Variants in NRP1 observed in about 807,000 individuals in gnomAD.
The protein encoded by NRP1 is neuropilin 1, also known as neuropilin-1.
A neutral mutation model predicts 106.7 loss-of-function variants in NRP1; 35 were observed. That is an observed-to-expected ratio of 0.33 (90% CI 0.25 to 0.43). NRP1 has a LOEUF of 0.43. Ranked by LOEUF, NRP1 falls within the 20% of genes least tolerant of loss-of-function variation. The pLI is 1.00. For missense variants in NRP1, 1,024 were observed against 1,170.4 expected, an observed-to-expected ratio of 0.87 and a Z score of 1.83; for synonymous variants, 437 against 417.9, an observed-to-expected ratio of 1.05 and a Z score of -0.56.
At chr10:33,204,019 G>A (rs2132715656) in intron 10 of NRP1, among the ~76,000 whole-genome samples, 1 of 152,182 alleles carries the variant, frequency 6.6e-6, no homozygotes, top group African/African-American at 2.4e-5. Context: ...TGCTTTTGAA[G>A]TCCTTTAAAT....
Position 33,208,188 on chromosome 10 carries a change from A to T in NRP1, c.1615-472T>A, listed in dbSNP as rs1437674445. Among the ~76,000 whole-genome samples the T allele has an allele frequency of 2.0e-5, 3 of 152,050 alleles. No homozygotes were observed. The East Asian group carries it at 5.8e-4, about 29-fold the overall frequency. ...TGATCTGCTTGCCTCTGCCTCCCAAAGTGCTGGGATTACAGGCATGCGCCA... is the reference window on the plus strand; with the variant it reads ...TGATCTGCTTGCCTCTGCCTCCCAATGTGCTGGGATTACAGGCATGCGCCA... On this transcript the variant is annotated intron_variant, in intron 9 of 16. Transcript: ENST00000374867.
At chr10:33,195,187 G>A (rs1836690275) in intron 12 of NRP1, among the ~76,000 whole-genome samples, 1 of 152,176 alleles carries the variant, frequency 6.6e-6, no homozygotes, top group African/African-American at 2.4e-5. Context: ...CTTCTATAGA[G>A]CAGTTTAACT....
At chr10:33,207,754 A>C (rs1837914940) in intron 9 of NRP1, 38 bp from the exon 10 acceptor site, 8 of 1,551,486 alleles carry the variant, frequency 5.2e-6, no homozygotes, top group African/African-American at 1.7e-5. Context: ...TAAGGAAAAA[A>C]AAAAACAGAG....
At chr10:33,303,608 A>G (rs2132719491) in intron 2 of NRP1, among the ~76,000 whole-genome samples, 1 of 152,332 alleles carries the variant, frequency 6.6e-6, no homozygotes, top group African/African-American at 2.4e-5. Flanking sequence ...ATGAAGCCAG[A>G]ACTTGCAGAT....
At chr10:33,238,940 C>T (rs571372613) in intron 6 of NRP1, among the ~76,000 whole-genome samples, 26 of 139,218 alleles carry the variant, frequency 1.9e-4, no homozygotes, top group African/African-American at 1.8e-4. Context: ...TGTATGTGTG[C>T]GCATAGTTTT....
In NRP1 at chr10:33,202,967, G is replaced by T. The variant is rs147055093; in HGVS notation, c.1788C>A (p.Asn596Lys). 4.3e-6 allele frequency: 7 copies of T among 1,614,082 alleles called. No homozygotes were observed. The highest frequency in any genetic ancestry group is 5.9e-6 in the Non-Finnish European group (7 of 1,179,970). Residue 596 changes from asparagine (N) to lysine (K), a missense_variant, in exon 11 of 17, where the codon AAC (asparagine) becomes AAA (lysine). Around this residue, in one of 5 missense-constraint regions of NRP1, gnomAD observed 562 missense variants for 620.3 expected, o/e 0.91. Transcript: ENST00000374867. ...EAPTAGPTTP[N>K]GNLVDECDDD... Reference sequence around the variant, plus strand: ...CATCACATTCATCCACCAAGTTCCCGTTGGGAGTGGTCGGTCCAGCTGTAG... The same window carrying T: ...CATCACATTCATCCACCAAGTTCCCTTTGGGAGTGGTCGGTCCAGCTGTAG...
chr10:33,292,011 C>T (rs1845030862), intron 2 of NRP1, among the ~76,000 whole-genome samples: 1 of 152,150 alleles, frequency 6.6e-6, no homozygotes, highest in Admixed American at 6.5e-5. Flanking sequence ...TCAGGTGATC[C>T]TCCCATCTTA....
At chr10:33,185,567 A>G (rs1301702588) in intron 15 of NRP1, 61 bp downstream of exon 15, 2 of 1,267,188 alleles carry the variant, frequency 1.6e-6, no homozygotes, top group South Asian at 1.2e-5. Context: ...AGACCATCAT[A>G]TTGGCAAGAG....
intron 12 of NRP1, among the ~76,000 whole-genome samples, chr10:33,194,138 C>T (rs560166366): frequency 3.3e-5 from 5 of 152,240 alleles, no homozygotes; most frequent in South Asian, 4.2e-4. Flanking sequence ...CACTCTTTTC[C>T]GCAGCAAGAT....
intron 6 of NRP1, among the ~76,000 whole-genome samples, chr10:33,231,798 C>T (rs1840157387): frequency 6.6e-6 from 1 of 152,006 alleles, no homozygotes; most frequent in African/African-American, 2.4e-5. Context: ...CTCAAGATGG[C>T]TATGGGGGAT....
At position 33,186,316 on chromosome 10, in the gene NRP1, T is replaced by C. The variant is rs1255943215; in HGVS notation, c.2235A>G (p.Pro745=). 1.9e-6 allele frequency: 3 copies of C among 1,614,170 alleles called. No homozygotes were observed. Among genetic ancestry groups the C allele is most frequent in the Admixed American group, 1.7e-5 (1 of 60,020 alleles). ...TLRVKLRYQK[P]EEYDQLVWMA... ...TCCAGACCAGCTGATCGTACTCCTC[T>C]GGCTTCTGGTAGCGCAGTTTGACCC... Residue 745 remains proline, a synonymous_variant, in exon 14 of 17, where the codon CCA becomes CCG. Transcript: ENST00000374867.
chr10:33,199,176 T>C (rs1837024831), intron 11 of NRP1, among the ~76,000 whole-genome samples: 1 of 151,636 alleles, frequency 6.6e-6, no homozygotes, highest in South Asian at 2.1e-4. Context: ...AAATGAGAAT[T>C]GGAGTCTCTA....
chr10:33,301,036 G>A (rs1304196425), intron 2 of NRP1, among the ~76,000 whole-genome samples: 1 of 152,096 alleles, frequency 6.6e-6, no homozygotes, highest in Admixed American at 6.6e-5. Context: ...CTTTCCATGG[G>A]GTTGCTGCCC....
rs775919047 is a variant in NRP1 at position 33,334,341 on chromosome 10, G to A, written c.42C>T (p.Leu14=). Residue 14 remains leucine (L), a synonymous_variant, in exon 1 of 17, where the codon CTC becomes CTT. Transcript: ENST00000374867. The part of the protein sequence containing the change: ...GLPLLCAVLA[L]VLAPAGAFRN... The stretch of plus-strand genomic sequence containing the variant: ...GAAAAGCGCCGGCCGGGGCGAGGAC[G>A]AGGGCGAGCACGGCGCAGAGGAGCG... The A allele has an allele frequency of 1.2e-5, 18 of 1,546,026 alleles. No homozygotes were observed. The South Asian group carries it at 1.4e-4, about 12-fold the overall frequency.
At chr10:33,244,022 C>T (rs1271931787) in intron 6 of NRP1, among the ~76,000 whole-genome samples, 7 of 151,438 alleles carry the variant, frequency 4.6e-5, no homozygotes, top group Non-Finnish European at 7.4e-5. Flanking sequence ...GCTATTCTGA[C>T]GTGGATCAAA....
At chr10:33,226,449 C>T (rs894063730) in intron 6 of NRP1, among the ~76,000 whole-genome samples, 160 bp from the exon 7 acceptor site, 1 of 152,080 alleles carries the variant, frequency 6.6e-6, no homozygotes, top group South Asian at 2.1e-4. Flanking sequence ...CCCTTCCATT[C>T]CTTCTTAAAA....
intron 2 of NRP1, among the ~76,000 whole-genome samples, chr10:33,273,692 T>C (rs1253956611): frequency 2.0e-5 from 3 of 152,174 alleles, no homozygotes. Flanking sequence ...ATTCACTCCC[T>C]GTGTTCCAGC....
At chr10:33,228,239 G>A (rs1839827295) in intron 6 of NRP1, among the ~76,000 whole-genome samples, 1 of 152,048 alleles carries the variant, frequency 6.6e-6, no homozygotes, top group East Asian at 1.9e-4. Context: ...TGGCATAGTG[G>A]CACATGCCTG....
In NRP1 at chr10:33,249,424, C is replaced by T. The variant is rs552312885; in HGVS notation, c.981+4604G>A. The T allele has an allele frequency of 9.7e-4, 506 of 520,726 alleles. 3 individuals are homozygous for T. The highest frequency in any genetic ancestry group is 5.9e-3 in the South Asian group (409 of 69,172). The allele number at this position is 520,726 out of a possible 1,614,324, so 32.3% of individuals were successfully genotyped here. A position where few individuals can be genotyped will look rare whatever the true frequency, so the allele number is the denominator to read the frequency against. ...GAGAGCCTGAATGGAGTGAAGGCTACGTTATTTTTATTTTATAGGAAAAGA... is the reference window on the plus strand; with the variant it reads ...GAGAGCCTGAATGGAGTGAAGGCTATGTTATTTTTATTTTATAGGAAAAGA... On this transcript the variant is annotated intron_variant, in intron 6 of 16. Transcript: ENST00000374867.
Sources: allele counts gnomAD v4.1 joint callset (sites outside exome capture counted in the v4.1 genomes callset), GRCh38; gene constraint gnomAD v4.1.1; regional missense constraint gnomAD v4.1.1; transcripts MANE v1.5; gene names NCBI Gene and HGNC (gene_info 2026-07-23, HGNC 2026-07-21).